C16orf46: variants seen among roughly 807,000 people sequenced by gnomAD.
The protein encoded by C16orf46 is uncharacterized protein C16orf46.
C16orf46 carries 7 observed loss-of-function variants against 5.5 expected under a neutral mutation model. The observed-to-expected ratio is 1.28, with a 90% CI of 0.73 to 2.40. C16orf46 has a LOEUF of 2.40. Among genes scored for constraint, C16orf46 ranks in the 30% most tolerant of loss-of-function variants. C16orf46 has a pLI of 0.00. For synonymous variants in C16orf46, 200 were observed against 184.1 expected (o/e 1.09, Z -0.70); for missense variants, 614 against 476.0 (o/e 1.29, Z -2.70).
chr16:81,055,038 C>G (rs1416299436), intron 3 of C16orf46, among the ~76,000 whole-genome samples: 1 of 152,208 alleles, frequency 6.6e-6, no homozygotes, highest in African/African-American at 2.4e-5. Flanking sequence ...TTAAAGTTCT[C>G]TAAATAACTA....
downstream of C16orf46, among the ~76,000 whole-genome samples, chr16:81,057,663 GA>G (rs1445834734): frequency 8.0e-6 from 1 of 124,502 alleles, no homozygotes; most frequent in East Asian, 2.4e-4. Context: ...CGTATAAACT[GA>G]AGTTCATTTA....
chr16:81,065,473 C>CAAAA (rs11303086), intron 2 of C16orf46, among the ~76,000 whole-genome samples: 1 of 65,370 alleles, frequency 1.5e-5, no homozygotes. Context: ...GAATCCGTCT[C>CAAAA]AAAAAAAAAA....
chr16:81,065,873 T>G (rs1971639945), intron 2 of C16orf46, among the ~76,000 whole-genome samples: 1 of 151,880 alleles, frequency 6.6e-6, no homozygotes, highest in South Asian at 2.1e-4. Flanking sequence ...AGAGTCTCAC[T>G]CTGTTGCCCA....
intron 1 of C16orf46, among the ~76,000 whole-genome samples, chr16:81,076,246 T>C (rs1332233012): frequency 6.6e-6 from 1 of 152,204 alleles, no homozygotes; most frequent in African/African-American, 2.4e-5. Flanking sequence ...GTGACACAGT[T>C]TCTACAGGAA....
At chr16:81,057,754 G>A (rs115709100), downstream of C16orf46, among the ~76,000 whole-genome samples, 1,076 of 152,072 alleles carry the variant, frequency 7.1e-3, 9 homozygotes, top group African/African-American at 0.025. Flanking sequence ...GAAACAGGCC[G>A]GGTGTGGTGG....
At chr16:81,064,884 A>G (rs1237173112) in intron 2 of C16orf46, among the ~76,000 whole-genome samples, 2 of 152,186 alleles carry the variant, frequency 1.3e-5, no homozygotes, top group Non-Finnish European at 2.9e-5. Flanking sequence ...TTGATTTTGG[A>G]CTTTGAGAAT....
chr16:81,057,931 G>A (rs139201346), downstream of C16orf46: 444 of 156,500 alleles, frequency 2.8e-3, 4 homozygotes, highest in African/African-American at 0.01. Context: ...TCAGGGGGCT[G>A]AGGCAGAAGA....
intron 3 of C16orf46, among the ~76,000 whole-genome samples, chr16:81,062,879 C>CTTTTTTTTTTTTTTTTTTTT (rs35694573): frequency 7.2e-6 from 1 of 138,366 alleles, no homozygotes; most frequent in African/African-American, 2.7e-5. Flanking sequence ...TAGTTTTATG[C>CTTTTTTTTTTTTTTTTTTTT]TTTTTTTTTT....
intron 1 of C16orf46, among the ~76,000 whole-genome samples, chr16:81,066,536 C>T (rs1251159313): frequency 6.6e-6 from 1 of 152,158 alleles, no homozygotes; most frequent in Non-Finnish European, 1.5e-5. Context: ...TTTTATTACC[C>T]ATTCTTGTCT....
chr16:81,061,973 C>G lies in C16orf46; in HGVS notation c.376G>C (p.Asp126His). ...TGAGTCTGGGAGGGGCTGCTCTGATCCTTCTCTGGGCCCCCCTCAGTAGGA... is the reference window on the plus strand; with the variant it reads ...TGAGTCTGGGAGGGGCTGCTCTGATGCTTCTCTGGGCCCCCCTCAGTAGGA... ...KPPTEGGPEK[D>H]QSSPSQTQAA... The change falls in exon 4 of 4, where the codon GAT becomes CAT. Residue 126 changes from aspartate (D) to histidine (H), a missense_variant. Asp to His is a moderately conservative substitution (Grantham distance 81, BLOSUM62 -1). Coordinates refer to ENST00000299578, the MANE Select transcript of C16orf46 (RefSeq NM_152337.3). 6.2e-7 allele frequency: 1 copy of G among 1,614,178 alleles called. No individual in the cohort carries two copies. Among genetic ancestry groups the G allele is most frequent in the Non-Finnish European group, 8.5e-7 (1 of 1,180,042 alleles).
chr16:81,069,214 C>A (rs1971760338), intron 1 of C16orf46, among the ~76,000 whole-genome samples: 1 of 152,066 alleles, frequency 6.6e-6, no homozygotes, highest in Non-Finnish European at 1.5e-5. Flanking sequence ...GGAGTACTGT[C>A]CGTCAGTCTC....
rs574719697 is a variant in C16orf46, at chr16:81,061,982, G to C, written c.367C>G (p.Pro123Ala). 10 of 1,613,980 alleles carry C rather than the reference G, an allele frequency of 6.2e-6. No homozygotes were observed. The highest frequency in any genetic ancestry group is 5.3e-5 in the African/African-American group (4 of 74,916). Residue 123 changes from proline to alanine, a missense_variant, in exon 4 of 4, where the codon CCA becomes GCA. Coordinates refer to ENST00000299578, the MANE Select transcript of C16orf46 (RefSeq NM_152337.3). ...LQTKPPTEGG[P>A]EKDQSSPSQT... The stretch of plus-strand genomic sequence containing the variant: ...GAGGGGCTGCTCTGATCCTTCTCTG[G>C]GCCCCCCTCAGTAGGAGGCTTGGTC...
At chr16:81,066,442 C>A (rs777460758) in intron 1 of C16orf46, among the ~76,000 whole-genome samples, 161 bp from the exon 2 acceptor site, 5 of 152,150 alleles carry the variant, frequency 3.3e-5, no homozygotes, top group Non-Finnish European at 7.3e-5. Context: ...CGGGTTCAAG[C>A]AATTCTCCTG....
At chr16:81,059,259 T>G (rs1217907747), downstream of C16orf46, among the ~76,000 whole-genome samples, 1 of 125,008 alleles carries the variant, frequency 8.0e-6, no homozygotes, top group Non-Finnish European at 1.5e-5. Flanking sequence ...AGGCGGAGGT[T>G]ACAGTGAGCC....
Position 81,063,817 on chromosome 16 carries a change from C to T in C16orf46, c.139G>A (p.Val47Ile). The change falls in exon 3 of 4, where the codon GTC (valine) becomes ATC (isoleucine). Residue 47 changes from valine to isoleucine, a missense_variant. Physicochemically the swap from Val to Ile is conservative, Grantham distance 29. Transcript: ENST00000299578. Reference protein sequence around the residue: ...EKNHVYCLLDVSDITLEQDEK... With the variant: ...EKNHVYCLLDISDITLEQDEK... Reference sequence around the variant, plus strand: ...TCTTGTTCAAGCGTAATGTCACTGACATCGAGAAGACAATAAACATGATTT... The same window carrying T: ...TCTTGTTCAAGCGTAATGTCACTGATATCGAGAAGACAATAAACATGATTT... The T allele has an allele frequency of 6.2e-7, 1 of 1,614,076 alleles. No individual in the cohort carries two copies. Among genetic ancestry groups the T allele is most frequent in the Non-Finnish European group, 8.5e-7 (1 of 1,180,016 alleles).
chr16:81,061,673 C>A lies in C16orf46; in HGVS notation c.676G>T (p.Gly226Cys). ...ASLSNALDVL[G>C]KKSKNSFLQS... is the part of the protein sequence containing the mutation. ...AAGAAAGAGTTCTTACTCTTCTTAC[C>A]CAGAACATCCAAAGCATTTGAAAGT... The change falls in exon 4 of 4, where the codon GGT becomes TGT. Residue 226 changes from glycine to cysteine, a missense_variant. Coordinates refer to ENST00000299578, the MANE Select transcript of C16orf46 (RefSeq NM_152337.3). 1 of 1,614,166 alleles carries A rather than the reference C, an allele frequency of 6.2e-7. No individual in the cohort carries two copies. Among genetic ancestry groups the A allele is most frequent in the Non-Finnish European group, 8.5e-7 (1 of 1,180,032 alleles).
intron 1 of C16orf46, chr16:81,076,321 C>G (rs1278611712): frequency 6.6e-6 from 1 of 151,348 alleles, no homozygotes; most frequent in Admixed American, 6.6e-5. Flanking sequence ...GAAAGTTAAG[C>G]ACCCGCGCCA....
chr16:81,074,916 C>T (rs4889226), intron 1 of C16orf46, among the ~76,000 whole-genome samples: 145,720 of 152,252 alleles, frequency 0.96, 70,032 homozygotes, highest in Middle Eastern at 1. Flanking sequence ...CCTGCGTAGA[C>T]AGTTCGCAAC....
chr16:81,056,794 G>A (rs1007936074), downstream of C16orf46, among the ~76,000 whole-genome samples: 11 of 151,630 alleles, frequency 7.3e-5, no homozygotes, highest in African/African-American at 2.4e-4. Flanking sequence ...TAGAGGACCA[G>A]CGCAAAATGG....
Sources: gnomAD v4.1 joint callset for allele counts (sites outside exome capture counted in the v4.1 genomes callset) on GRCh38, gnomAD v4.1.1 for gene constraint, MANE v1.5 for transcripts, NCBI Gene and HGNC (gene_info 2026-07-23, HGNC 2026-07-21) for gene names.